The following OCA2 variants were observed in gnomAD, a reference collection of about 807,000 sequenced individuals.
OCA2 encodes P protein.
OCA2 carries 77 observed loss-of-function variants against 100.2 expected under a neutral mutation model. The ratio of observed to expected loss-of-function variants is 0.77; its 90% CI spans 0.64 to 0.93. OCA2 has a LOEUF of 0.93. OCA2 is among the 40% of genes least tolerant of loss of function. The pLI, the probability that OCA2 is intolerant of heterozygous loss-of-function variation, is 0.00. For missense variants in OCA2, 1,062 were observed against 1,089.1 expected (o/e 0.98, Z 0.35); for synonymous variants, 432 against 439.2 (o/e 0.98, Z 0.21).
chr15:27,802,169 G>T (rs2033643832), intron 23 of OCA2, among the ~76,000 whole-genome samples: 1 of 152,024 alleles, frequency 6.6e-6, no homozygotes, highest in African/African-American at 2.4e-5. Flanking sequence ...ATGAAGATCA[G>T]GAATTAGAAT....
chr15:27,904,419 C>A (rs184274190), intron 19 of OCA2, among the ~76,000 whole-genome samples: 340 of 152,228 alleles, frequency 2.2e-3, no homozygotes, highest in Non-Finnish European at 4.0e-3. Flanking sequence ...CACTACAGTG[C>A]GGGGTGTATC....
chr15:27,788,228 T>C (rs1354154110), intron 23 of OCA2, among the ~76,000 whole-genome samples: 1 of 152,102 alleles, frequency 6.6e-6, no homozygotes, highest in Non-Finnish European at 1.5e-5. Context: ...ATTCTGTAGA[T>C]ATTAGGTCAA....
At chr15:27,743,414 C>A in the OCA2 span, among the ~76,000 whole-genome samples, 3 of 152,326 alleles carry the variant, frequency 2.0e-5, no homozygotes, top group African/African-American at 7.2e-5. Flanking sequence ...TCCAACAAAA[C>A]AGCATGCTTA....
intron 23 of OCA2, chr15:27,775,480 T>C (rs986264093): frequency 6.6e-6 from 1 of 152,576 alleles, no homozygotes; most frequent in Non-Finnish European, 1.5e-5. Flanking sequence ...CTCCTCGTAC[T>C]CCGTACTGCA....
intron 19 of OCA2, among the ~76,000 whole-genome samples, chr15:27,922,680 GGTGTGT>G (rs60426286): frequency 0.022 from 3,196 of 147,168 alleles, 102 homozygotes; most frequent in African/African-American, 0.069. Context: ...TTTTGTTTGG[GGTGTGT>G]GTGTGTGTGT....
chr15:27,922,780 A>G (rs376656010), intron 19 of OCA2, among the ~76,000 whole-genome samples: 21 of 147,404 alleles, frequency 1.4e-4, no homozygotes, highest in African/African-American at 4.5e-4. Flanking sequence ...ACAACCCACC[A>G]TCATTTTTTT....
intron 15 of OCA2, among the ~76,000 whole-genome samples, chr15:27,958,109 G>A (rs1243839254): frequency 6.6e-6 from 1 of 152,146 alleles, no homozygotes; most frequent in African/African-American, 2.4e-5. Context: ...TAAATGACGA[G>A]TTAATGGGTA....
rs897636551 is a variant in OCA2, at chr15:27,899,435, T to C, written c.2079+26692A>G. On this transcript the variant is annotated intron_variant, in intron 19 of 23. Coordinates refer to ENST00000354638, the MANE Select transcript of OCA2 (RefSeq NM_000275.3). ...CGCAATCCAATCACAAGGGCTCTTA[T>C]GATTATTTTAGAAATTTATGATTAG... Among the ~76,000 whole-genome samples the C allele has an allele frequency of 4.6e-5, 7 of 152,254 alleles. No homozygotes were observed. In the South Asian group the frequency reaches 1.2e-3, roughly 27 times the overall value.
At chr15:27,934,621 G>A (rs944751930) in intron 18 of OCA2, among the ~76,000 whole-genome samples, 3 of 152,158 alleles carry the variant, frequency 2.0e-5, no homozygotes, top group Non-Finnish European at 4.4e-5. Context: ...AAGAACACAA[G>A]TTCTTTTCCA....
intron 2 of OCA2, among the ~76,000 whole-genome samples, chr15:28,046,595 A>C (rs2141518116): frequency 6.6e-6 from 1 of 152,310 alleles, no homozygotes; most frequent in Admixed American, 6.5e-5. Flanking sequence ...GGGAGCTCTA[A>C]GAAGTCCCTA....
At chr15:28,064,082 A>G (rs2043954998) in intron 2 of OCA2, among the ~76,000 whole-genome samples, 1 of 152,080 alleles carries the variant, frequency 6.6e-6, no homozygotes, top group South Asian at 2.1e-4. Flanking sequence ...TTTTTAGTTG[A>G]CAGTATGTTT....
At chr15:27,722,739 C>CT in the OCA2 span, among the ~76,000 whole-genome samples, 1 of 125,000 alleles carries the variant, frequency 8.0e-6, no homozygotes, top group African/African-American at 3.0e-5. Flanking sequence ...TTCTTTCTTT[C>CT]TTCTTTCTTC....
At chr15:27,774,138 T>C (rs1030585561) in intron 23 of OCA2, among the ~76,000 whole-genome samples, 54 of 152,204 alleles carry the variant, frequency 3.5e-4, no homozygotes, top group Non-Finnish European at 4.4e-4. Flanking sequence ...ACCCAGAACT[T>C]GTTTCCCAAT....
intron 1 of OCA2, among the ~76,000 whole-genome samples, chr15:28,089,674 G>C (rs1414538573): frequency 1.3e-5 from 2 of 152,210 alleles, no homozygotes; most frequent in African/African-American, 4.8e-5. Flanking sequence ...GATTGGCAGA[G>C]TGAATTTAAA....
At chr15:28,024,958 C>T (rs2042705440) in intron 4 of OCA2, 56 bp from the exon 5 acceptor site, 1 of 1,545,534 alleles carries the variant, frequency 6.5e-7, no homozygotes, top group African/African-American at 1.4e-5. Flanking sequence ...GTTGCCCAGA[C>T]TCAGACACTT....
chr15:27,937,343 T>C (rs572795235), intron 18 of OCA2, among the ~76,000 whole-genome samples: 3 of 152,334 alleles, frequency 2.0e-5, no homozygotes, highest in Admixed American at 6.5e-5. Context: ...TTGGGGCTAT[T>C]ATAAATAGGC....
chr15:27,776,191 G>T (rs2032200614), intron 23 of OCA2, among the ~76,000 whole-genome samples: 1 of 152,218 alleles, frequency 6.6e-6, no homozygotes, highest in Non-Finnish European at 1.5e-5. Flanking sequence ...GCTTGCTGCG[G>T]TTCCGGCCCA....
intron 18 of OCA2, among the ~76,000 whole-genome samples, chr15:27,941,653 C>A (rs1257253044): frequency 6.6e-6 from 1 of 152,192 alleles, no homozygotes; most frequent in Non-Finnish European, 1.5e-5. Context: ...TCACTAGGCT[C>A]CTGGCAAGGC....
chr15:27,941,525 G>T (rs527652038), intron 18 of OCA2, among the ~76,000 whole-genome samples: 65 of 144,892 alleles, frequency 4.5e-4, no homozygotes, highest in African/African-American at 1.6e-3. Flanking sequence ...TAACCTGTGG[G>T]TACTCAATGG....
Sources: gnomAD v4.1 joint callset for allele counts (sites outside exome capture counted in the v4.1 genomes callset) on GRCh38, gnomAD v4.1.1 for gene constraint, MANE v1.5 for transcripts, NCBI Gene and HGNC (gene_info 2026-07-23, HGNC 2026-07-21) for gene names.